Variants in CNTNAP2 observed in about 807,000 individuals in gnomAD.
The protein encoded by CNTNAP2 is contactin-associated protein-like 2.
CNTNAP2 carries 98 observed loss-of-function variants against 155.2 expected under a neutral mutation model. That is an observed-to-expected ratio of 0.63 (90% CI 0.54 to 0.75). The LOEUF (loss-of-function observed/expected upper bound fraction) is 0.75. Among genes scored for constraint, CNTNAP2 ranks in the 30% least tolerant of loss-of-function variants. The pLI, the probability that CNTNAP2 is intolerant of heterozygous loss-of-function variation, is 0.00. For missense variants in CNTNAP2, 1,727 were observed against 1,688.1 expected (o/e 1.02, Z -0.40); for synonymous variants, 651 against 631.2 (o/e 1.03, Z -0.47).
chr7:146,545,516 A>G (rs1311384081), intron 1 of CNTNAP2, among the ~76,000 whole-genome samples: 1 of 151,442 alleles, frequency 6.6e-6, no homozygotes, highest in Non-Finnish European at 1.5e-5. Context: ...AACATGCCCT[A>G]CTGTGTGATG....
intron 1 of CNTNAP2, among the ~76,000 whole-genome samples, chr7:146,351,427 A>G (rs1584883456): frequency 6.6e-6 from 1 of 152,298 alleles, no homozygotes; most frequent in East Asian, 1.9e-4. Flanking sequence ...AAGAAAAATC[A>G]ATTTGTAAGA....
chr7:146,436,771 G>A (rs1796249402), intron 1 of CNTNAP2, among the ~76,000 whole-genome samples: 1 of 148,032 alleles, frequency 6.8e-6, no homozygotes, highest in Non-Finnish European at 1.5e-5. Flanking sequence ...AATAGCAAGT[G>A]CTTGGTGTAT....
intron 3 of CNTNAP2, among the ~76,000 whole-genome samples, chr7:146,904,704 C>T (rs960952416): frequency 3.9e-5 from 6 of 152,114 alleles, no homozygotes; most frequent in African/African-American, 1.4e-4. Flanking sequence ...ATCTCCTGAC[C>T]TCGTGATCCG....
At chr7:147,986,244 G>A (rs28373395) in intron 15 of CNTNAP2, among the ~76,000 whole-genome samples, 4 of 151,914 alleles carry the variant, frequency 2.6e-5, no homozygotes, top group Non-Finnish European at 4.4e-5. Context: ...TAATACATTC[G>A]ATTTACTTGG....
chr7:147,307,558 T>C (rs1444603997), intron 9 of CNTNAP2, among the ~76,000 whole-genome samples: 1 of 151,842 alleles, frequency 6.6e-6, no homozygotes, highest in African/African-American at 2.4e-5. Context: ...CACTCCAGCC[T>C]GGGTGACAGA....
intron 1 of CNTNAP2, among the ~76,000 whole-genome samples, chr7:146,512,234 A>G (rs563325765): frequency 5.6e-4 from 85 of 151,890 alleles, no homozygotes; most frequent in East Asian, 1.2e-3. Flanking sequence ...GTTTTTAAAA[A>G]TCAACTTTTC....
intron 3 of CNTNAP2, among the ~76,000 whole-genome samples, chr7:147,009,798 G>T (rs1165253448): frequency 6.6e-6 from 1 of 151,994 alleles, no homozygotes; most frequent in Non-Finnish European, 1.5e-5. Flanking sequence ...CTTAAATTTT[G>T]GAGTGTGACT....
chr7:146,552,462 C>G (rs1006158958), intron 1 of CNTNAP2, among the ~76,000 whole-genome samples: 1 of 152,094 alleles, frequency 6.6e-6, no homozygotes, highest in African/African-American at 2.4e-5. Flanking sequence ...TCTAACCAAC[C>G]AAATTTAAGC....
intron 1 of CNTNAP2, among the ~76,000 whole-genome samples, chr7:146,460,919 C>G (rs1459925028): frequency 1.3e-5 from 2 of 152,120 alleles, no homozygotes; most frequent in African/African-American, 2.4e-5. Context: ...GGTAACTATA[C>G]TTTAAAATAA....
chr7:146,769,923 C>T (rs1802263259), intron 1 of CNTNAP2, among the ~76,000 whole-genome samples: 1 of 152,060 alleles, frequency 6.6e-6, no homozygotes, highest in South Asian at 2.1e-4. Context: ...TTTTCTAACT[C>T]TTGGTGGTTA....
chr7:147,016,861 T>C (rs1400442716), intron 3 of CNTNAP2, among the ~76,000 whole-genome samples: 2 of 151,866 alleles, frequency 1.3e-5, no homozygotes, highest in African/African-American at 4.8e-5. Context: ...ACTCCCTAGG[T>C]CACTGTGCAC....
At chr7:147,366,395 T>C (rs1451915135) in intron 9 of CNTNAP2, among the ~76,000 whole-genome samples, 2 of 152,088 alleles carry the variant, frequency 1.3e-5, no homozygotes, top group Non-Finnish European at 2.9e-5. Flanking sequence ...AGACTGTAAT[T>C]TTTTTCATAA....
chr7:146,827,858 A>G (rs958432319), intron 2 of CNTNAP2, among the ~76,000 whole-genome samples: 7 of 151,830 alleles, frequency 4.6e-5, no homozygotes, highest in African/African-American at 1.7e-4. Flanking sequence ...ACAGGGGAGA[A>G]CTACACAGCA....
At chr7:146,979,266 G>A (rs1288011409) in intron 3 of CNTNAP2, among the ~76,000 whole-genome samples, 2 of 151,854 alleles carry the variant, frequency 1.3e-5, no homozygotes, top group African/African-American at 2.4e-5. Flanking sequence ...CCCTGGCCTC[G>A]TCTTATACTG....
chr7:148,026,655 G>C (rs1802380821), intron 15 of CNTNAP2, among the ~76,000 whole-genome samples: 1 of 152,116 alleles, frequency 6.6e-6, no homozygotes, highest in African/African-American at 2.4e-5. Context: ...TGGATCTCTT[G>C]TTTTTAAAAT....
chr7:147,748,468 CCGCAACTCAAACT>C (rs1273983824), intron 13 of CNTNAP2, among the ~76,000 whole-genome samples: 1 of 152,134 alleles, frequency 6.6e-6, no homozygotes, highest in African/African-American at 2.4e-5. Context: ...AGTGACAGAA[CCGCAACTCAAACT>C]TGCTTAAAGA....
intron 4 of CNTNAP2, among the ~76,000 whole-genome samples, chr7:147,096,895 A>G (rs962246095): frequency 2.0e-5 from 3 of 152,214 alleles, no homozygotes; most frequent in Admixed American, 6.5e-5. Context: ...GTGTTTTACC[A>G]GACAGGACCT....
chr7:146,428,379 C>CT (rs145897351), intron 1 of CNTNAP2, among the ~76,000 whole-genome samples: 5,404 of 152,030 alleles, frequency 0.036, 341 homozygotes, highest in African/African-American at 0.12. Context: ...AAAAGCATTC[C>CT]TTTTTTTATC....
intron 21 of CNTNAP2, among the ~76,000 whole-genome samples, chr7:148,297,490 A>G (rs182186363): frequency 6.6e-6 from 1 of 152,150 alleles, no homozygotes; most frequent in Non-Finnish European, 1.5e-5. Flanking sequence ...ATCATGGGAG[A>G]TTGCTCATTA....
Sources: gnomAD v4.1 joint callset for allele counts (sites outside exome capture counted in the v4.1 genomes callset) on GRCh38, gnomAD v4.1.1 for gene constraint, MANE v1.5 for transcripts, NCBI Gene and HGNC (gene_info 2026-07-23, HGNC 2026-07-21) for gene names.